Variants in CSMD1 observed in about 807,000 individuals in gnomAD.
CSMD1 encodes the protein CUB and Sushi multiple domains 1.
CSMD1 carries 213 observed loss-of-function variants against 417.5 expected under a neutral mutation model. That is an observed-to-expected ratio of 0.51 (90% confidence interval 0.46 to 0.57). The LOEUF (loss-of-function observed/expected upper bound fraction) is 0.57. Among genes scored for constraint, CSMD1 ranks in the 20% least tolerant of loss-of-function variants. CSMD1 has a pLI of 0.00. For synonymous variants in CSMD1, 2,862 were observed against 1,736.8 expected (o/e 1.65, Z -16.11); for missense variants, 6,923 against 4,529.7 (o/e 1.53, Z -15.17).
At chr8:3,925,295 G>T (rs973488560) in intron 5 of CSMD1, among the ~76,000 whole-genome samples, 1 of 152,164 alleles carries the variant, frequency 6.6e-6, no homozygotes, top group Non-Finnish European at 1.5e-5. Context: ...AACCCAAGAG[G>T]TGAAGCATCA....
chr8:4,135,586 T>C (rs1302163345), intron 3 of CSMD1, among the ~76,000 whole-genome samples: 1 of 152,186 alleles, frequency 6.6e-6, no homozygotes, highest in Non-Finnish European at 1.5e-5. Context: ...TTTTGATTCT[T>C]AAAATATCAA....
At chr8:3,432,205 A>G (rs969686226) in intron 12 of CSMD1, among the ~76,000 whole-genome samples, 1 of 152,224 alleles carries the variant, frequency 6.6e-6, no homozygotes, top group South Asian at 2.1e-4. Flanking sequence ...AGGCATGGGT[A>G]GAGAACTGAA....
At chr8:4,823,107 T>C (rs1241318643) in intron 1 of CSMD1, among the ~76,000 whole-genome samples, 3 of 152,092 alleles carry the variant, frequency 2.0e-5, no homozygotes, top group Non-Finnish European at 4.4e-5. Context: ...ACAGCATGAA[T>C]ATACTGGTGT....
intron 1 of CSMD1, among the ~76,000 whole-genome samples, chr8:4,648,077 G>C (rs1175739468): frequency 6.6e-6 from 1 of 152,172 alleles, no homozygotes. Flanking sequence ...ACAAGCATCT[G>C]TTGTTTCCTT....
intron 7 of CSMD1, among the ~76,000 whole-genome samples, chr8:3,662,355 C>T (rs1459009226): frequency 6.6e-6 from 1 of 152,196 alleles, no homozygotes; most frequent in African/African-American, 2.4e-5. Context: ...TCTCTCCCCA[C>T]TCCTCCTCTC....
At chr8:3,708,115 T>G (rs1801282690) in intron 7 of CSMD1, among the ~76,000 whole-genome samples, 1 of 152,144 alleles carries the variant, frequency 6.6e-6, no homozygotes, top group Admixed American at 6.5e-5. Context: ...GGAGAGAGAC[T>G]GGTATGAAAA....
At chr8:4,794,638 C>T (rs1007408061) in intron 1 of CSMD1, among the ~76,000 whole-genome samples, 20 of 152,140 alleles carry the variant, frequency 1.3e-4, no homozygotes, top group African/African-American at 4.8e-4. Context: ...AGTCAGGAAC[C>T]TCCCCATTGT....
chr8:3,239,714 C>G (rs1356873362), intron 26 of CSMD1, among the ~76,000 whole-genome samples: 1 of 152,122 alleles, frequency 6.6e-6, no homozygotes, highest in East Asian at 1.9e-4. Flanking sequence ...GCATAGCCTG[C>G]CTTTGCTGGC....
intron 26 of CSMD1, among the ~76,000 whole-genome samples, chr8:3,235,232 C>T (rs1799081671): frequency 6.6e-6 from 1 of 152,004 alleles, no homozygotes; most frequent in Admixed American, 6.6e-5. Flanking sequence ...AGGAGGTGAG[C>T]CAAGGACATC....
At chr8:4,448,029 G>C (rs1154069) in intron 2 of CSMD1, among the ~76,000 whole-genome samples, 1 of 152,138 alleles carries the variant, frequency 6.6e-6, no homozygotes, top group African/African-American at 2.4e-5. Flanking sequence ...AACTAAAGTG[G>C]TTCCGCATGA....
At chr8:3,249,275 G>A (rs566871449) in intron 26 of CSMD1, among the ~76,000 whole-genome samples, 1 of 152,070 alleles carries the variant, frequency 6.6e-6, no homozygotes, top group East Asian at 1.9e-4. Flanking sequence ...AGTCTGGAGT[G>A]CAGCGGCGTG....
chr8:4,596,032 G>A (rs761627444), intron 2 of CSMD1, among the ~76,000 whole-genome samples: 21 of 152,072 alleles, frequency 1.4e-4, no homozygotes, highest in Non-Finnish European at 2.2e-4. Context: ...CTCCCTGTTT[G>A]CCACACTGCC....
chr8:3,751,306 G>A (rs939178728), intron 6 of CSMD1, among the ~76,000 whole-genome samples: 1 of 144,650 alleles, frequency 6.9e-6, no homozygotes, highest in Non-Finnish European at 1.5e-5. Context: ...TGAAGTGTGT[G>A]TGTGTGTGTG....
intron 3 of CSMD1, among the ~76,000 whole-genome samples, chr8:4,034,664 G>C (rs1232049125): frequency 2.0e-5 from 3 of 152,172 alleles, no homozygotes; most frequent in South Asian, 2.1e-4. Context: ...AATGTGAAGA[G>C]TGAGAAAGGG....
chr8:3,905,856 G>A (rs917611037), intron 5 of CSMD1, among the ~76,000 whole-genome samples: 25 of 152,196 alleles, frequency 1.6e-4, no homozygotes, highest in African/African-American at 5.8e-4. Flanking sequence ...TCCGGACTGT[G>A]GACCCAATTT....
intron 3 of CSMD1, among the ~76,000 whole-genome samples, chr8:4,065,940 C>T (rs943975579): frequency 2.0e-5 from 3 of 152,110 alleles, no homozygotes; most frequent in Non-Finnish European, 4.4e-5. Context: ...TTAGAGAAAA[C>T]TGACAAATCA....
intron 3 of CSMD1, among the ~76,000 whole-genome samples, chr8:4,243,021 T>G (rs975407317): frequency 3.3e-5 from 5 of 152,192 alleles, no homozygotes; most frequent in African/African-American, 1.2e-4. Context: ...GGAAACAGAC[T>G]AGAATGGCAG....
intron 65 of CSMD1, 39 bp downstream of exon 65, chr8:2,954,185 T>C: frequency 1.6e-6 from 2 of 1,252,992 alleles, no homozygotes; most frequent in Non-Finnish European, 2.2e-6. Context: ...ACAAATCACT[T>C]TATTGGATTG....
At chr8:3,771,084 G>C (rs763573521) in intron 5 of CSMD1, among the ~76,000 whole-genome samples, 1 of 151,838 alleles carries the variant, frequency 6.6e-6, no homozygotes, top group Non-Finnish European at 1.5e-5. Context: ...TAGTCTTGGG[G>C]GTATTGTATT....
Sources: allele counts gnomAD v4.1 joint callset (sites outside exome capture counted in the v4.1 genomes callset), GRCh38; gene constraint gnomAD v4.1.1; transcripts MANE v1.5; gene names NCBI Gene and HGNC (gene_info 2026-07-23, HGNC 2026-07-21).